The following CECR2 variants were observed in gnomAD, a reference collection of about 807,000 sequenced individuals.
CECR2 encodes the protein chromatin remodeling regulator CECR2.
Under a neutral mutation model 154.5 loss-of-function variants are expected in CECR2, and 30 were observed. That is an observed-to-expected ratio of 0.19 (90% CI 0.15 to 0.26). The LOEUF (loss-of-function observed/expected upper bound fraction) is 0.26, where lower values mean the gene tolerates loss of function less well. Among genes scored for constraint, CECR2 ranks in the 10% least tolerant of loss-of-function variants. The probability of loss-of-function intolerance (pLI) is 1.00; values close to 1 mark genes in which losing one functional copy is unlikely to be tolerated. For missense variants in CECR2, 1,743 were observed against 1,829.3 expected (o/e 0.95, Z 0.86); for synonymous variants, 725 against 683.7 (o/e 1.06, Z -0.94).
At chr22:17,525,442 G>A (rs941321073) in intron 9 of CECR2, among the ~76,000 whole-genome samples, 6 of 151,806 alleles carry the variant, frequency 4.0e-5, no homozygotes, top group African/African-American at 1.5e-4. Flanking sequence ...AGGAGTTTGA[G>A]ACAGCCTGGC....
chr22:17,418,493 C>A (rs2054188138), intron 1 of CECR2, among the ~76,000 whole-genome samples: 1 of 152,164 alleles, frequency 6.6e-6, no homozygotes, highest in Admixed American at 6.5e-5. Context: ...CTCCCTTTTA[C>A]TTGTATCCGT....
At chr22:17,432,294 G>A (rs1254028156) in intron 1 of CECR2, among the ~76,000 whole-genome samples, 1 of 152,222 alleles carries the variant, frequency 6.6e-6, no homozygotes, top group Non-Finnish European at 1.5e-5. Context: ...TGTTGTGGCA[G>A]GCATTAGTAC....
intron 2 of CECR2, among the ~76,000 whole-genome samples, chr22:17,483,152 C>T (rs894772613): frequency 7.9e-5 from 12 of 152,262 alleles, no homozygotes; most frequent in African/African-American, 2.9e-4. Flanking sequence ...ATTGATGATC[C>T]TGACCCTGTG....
chr22:17,507,301 G>C (rs983773217), intron 7 of CECR2, among the ~76,000 whole-genome samples: 15 of 152,086 alleles, frequency 9.9e-5, no homozygotes, highest in Non-Finnish European at 4.4e-5. Flanking sequence ...GAAAACCTCC[G>C]TTTCACCATC....
chr22:17,480,090 C>T (rs1186301576), intron 2 of CECR2, among the ~76,000 whole-genome samples: 3 of 152,058 alleles, frequency 2.0e-5, no homozygotes, highest in South Asian at 2.1e-4. Context: ...AATAGAATAC[C>T]GTATCCCTGT....
Position 17,548,563 on chromosome 22 carries a change from A to G in CECR2, c.3276A>G (p.Pro1092=), listed in dbSNP as rs1221695702. 3.7e-6 allele frequency: 6 copies of G among 1,613,666 alleles called. No homozygotes were observed. Among genetic ancestry groups the G allele is most frequent in the South Asian group, 1.1e-5 (1 of 91,050 alleles). Residue 1092 remains proline (P), a synonymous_variant, in exon 17 of 19, where the codon CCA becomes CCG. Coordinates refer to ENST00000262608, the MANE Select transcript of CECR2 (RefSeq NM_001290047.2). ...GCAGAACGTTGCAGGAAACCATGCCATGCACGGGACAGAACGCAGCGACAC... is the reference window on the plus strand; with the variant it reads ...GCAGAACGTTGCAGGAAACCATGCCGTGCACGGGACAGAACGCAGCGACAC... ...PRGRTLQETM[P]CTGQNAATPP...
intron 1 of CECR2, among the ~76,000 whole-genome samples, chr22:17,470,410 A>AG (rs2055106980): frequency 3.5e-5 from 5 of 142,476 alleles, no homozygotes; most frequent in African/African-American, 1.0e-4. Flanking sequence ...AAAAAAAAAG[A>AG]AAAAAAAATT....
chr22:17,531,478 A>G (rs1437683443), intron 9 of CECR2, among the ~76,000 whole-genome samples: 1 of 152,220 alleles, frequency 6.6e-6, no homozygotes, highest in Non-Finnish European at 1.5e-5. Flanking sequence ...AGGGAGTTGT[A>G]TGTGCAGGAT....
At chr22:17,479,036 T>C (rs1212776843) in intron 2 of CECR2, among the ~76,000 whole-genome samples, 1 of 152,184 alleles carries the variant, frequency 6.6e-6, no homozygotes, top group Non-Finnish European at 1.5e-5. Flanking sequence ...AGTTTTCTTA[T>C]AACCACATTT....
rs1201169985 is a variant in CECR2 at position 17,557,629 on chromosome 22, C to T, written c.*4789C>T. On this transcript the variant is annotated 3_prime_UTR_variant, in exon 19 of 19. Coordinates refer to ENST00000262608, the MANE Select transcript of CECR2 (RefSeq NM_001290047.2). ...TGAACTCTAACGTCAGAACGGCTGA[C>T]GAGCAGTTGATTGTCCTTGCTTGTG... The T allele has an allele frequency of 4.4e-5, 5 of 114,052 alleles. No homozygotes were observed. The highest frequency in any genetic ancestry group is 3.0e-4 in the South Asian group (1 of 3,314). The allele number at this position is 114,052 out of a possible 1,614,324, so 7.1% of individuals were successfully genotyped here. A position where few individuals can be genotyped will look rare whatever the true frequency, so the allele number is the denominator to read the frequency against.
At position 17,549,533 on chromosome 22, in the gene CECR2, G is replaced by A; in HGVS notation, c.4246G>A (p.Gly1416Arg). The change falls in exon 17 of 19, where the codon GGA becomes AGA. Residue 1416 changes from glycine to arginine, a missense_variant. This residue lies in a region of CECR2 where 1,250 missense variants were observed against 1,192.1 expected (regional missense o/e 1.05). Coordinates refer to ENST00000262608, the MANE Select transcript of CECR2 (RefSeq NM_001290047.2). ...EQIGTRSGIR[G>R]PFQEMYRPSG... ...AATTGGCACTAGAAGTGGAATAAGA[G>A]GACCTTTCCAGGAAATGTACAGACC... 6.2e-7 allele frequency: 1 copy of A among 1,600,810 alleles called. No individual in the cohort carries two copies. The highest frequency in any genetic ancestry group is 8.5e-7 in the Non-Finnish European group (1 of 1,173,886).
chr22:17,521,473 C>T (rs936002681), intron 8 of CECR2, among the ~76,000 whole-genome samples: 5 of 150,924 alleles, frequency 3.3e-5, no homozygotes, highest in Non-Finnish European at 7.4e-5. Flanking sequence ...TGCAGTGAGC[C>T]GAGATGGCGC....
intron 5 of CECR2, among the ~76,000 whole-genome samples, 163 bp from the exon 6 acceptor site, chr22:17,502,919 A>G (rs2055764953): frequency 6.6e-6 from 1 of 152,172 alleles, no homozygotes; most frequent in Non-Finnish European, 1.5e-5. Flanking sequence ...CCTGCATCTT[A>G]GTGTTCATTT....
chr22:17,525,560 C>A (rs181115436), intron 9 of CECR2, among the ~76,000 whole-genome samples: 2 of 152,074 alleles, frequency 1.3e-5, no homozygotes, highest in Non-Finnish European at 2.9e-5. Flanking sequence ...GAGCCGAGAT[C>A]GTGCTACTGC....
intron 7 of CECR2, 147 bp from the exon 8 acceptor site, chr22:17,511,666 G>A: frequency 3.6e-6 from 2 of 553,994 alleles, no homozygotes; most frequent in Admixed American, 3.1e-5. Context: ...CTGAGCAGTG[G>A]TTCCTGATTG....
chr22:17,536,991 T>A, intron 9 of CECR2, 112 bp from the exon 10 acceptor site: 1 of 1,327,100 alleles, frequency 7.5e-7, no homozygotes, highest in Non-Finnish European at 1.0e-6. Context: ...AGAAGTTGCT[T>A]CATAATCCTG....
chr22:17,544,575 C>T (rs2056581405), intron 16 of CECR2, among the ~76,000 whole-genome samples: 1 of 150,904 alleles, frequency 6.6e-6, no homozygotes, highest in African/African-American at 2.4e-5. Flanking sequence ...CTTTAGGAGG[C>T]CAAGGCAGGC....
chr22:17,403,791 G>C (rs1057324002), intron 1 of CECR2, among the ~76,000 whole-genome samples: 1 of 151,848 alleles, frequency 6.6e-6, no homozygotes, highest in African/African-American at 2.4e-5. Context: ...CTAATCTAAG[G>C]TCACAAAGGT....
chr22:17,456,674 A>G (rs759225849), intron 1 of CECR2, among the ~76,000 whole-genome samples: 18 of 152,178 alleles, frequency 1.2e-4, no homozygotes, highest in South Asian at 6.2e-4. Context: ...AAGAGTAACA[A>G]CCTTCCTCAA....
Sources: gnomAD v4.1 joint callset for allele counts (sites outside exome capture counted in the v4.1 genomes callset) on GRCh38, gnomAD v4.1.1 for gene constraint, gnomAD v4.1.1 regional missense constraint, MANE v1.5 for transcripts, NCBI Gene and HGNC (gene_info 2026-07-23, HGNC 2026-07-21) for gene names.